PPP2R3A: variants seen among roughly 807,000 people sequenced by gnomAD.
The protein encoded by PPP2R3A is serine/threonine-protein phosphatase 2A regulatory subunit B'' subunit alpha.
In PPP2R3A, 80 loss-of-function variants were observed where a neutral mutation model predicts 106.9. That is an observed-to-expected ratio of 0.75 (90% CI 0.62 to 0.90). The LOEUF (loss-of-function observed/expected upper bound fraction) is 0.90. Ranked by LOEUF, PPP2R3A falls within the 40% of genes least tolerant of loss-of-function variation. The pLI, the probability that PPP2R3A is intolerant of heterozygous loss-of-function variation, is 0.00. For synonymous variants in PPP2R3A, 483 were observed against 468.3 expected, an observed-to-expected ratio of 1.03 and a Z score of -0.41; for missense variants, 1,386 against 1,350.4, an observed-to-expected ratio of 1.03 and a Z score of -0.41.
intron 13 of PPP2R3A, among the ~76,000 whole-genome samples, chr3:136,111,437 A>G (rs1937590422): frequency 6.7e-6 from 1 of 149,960 alleles, no homozygotes; most frequent in Non-Finnish European, 1.5e-5. Context: ...TAAAAACTCA[A>G]ACTACTTGAA....
At chr3:136,020,797 T>C (rs1934439934) in intron 2 of PPP2R3A, among the ~76,000 whole-genome samples, 1 of 152,048 alleles carries the variant, frequency 6.6e-6, no homozygotes, top group Non-Finnish European at 1.5e-5. Context: ...TGATGGGCAT[T>C]AGTTGCTCTG....
At chr3:136,134,516 A>G (rs575514639) in intron 13 of PPP2R3A, among the ~76,000 whole-genome samples, 197 of 152,348 alleles carry the variant, frequency 1.3e-3, no homozygotes, top group Non-Finnish European at 2.4e-3. Flanking sequence ...ATTGAAATGT[A>G]CTTGAAAATT....
intron 7 of PPP2R3A, among the ~76,000 whole-genome samples, chr3:136,078,712 G>C (rs1194891804): frequency 2.6e-5 from 4 of 152,132 alleles, no homozygotes; most frequent in Non-Finnish European, 5.9e-5. Context: ...AACCTGACTT[G>C]ATAAATTCCA....
chr3:136,146,717 AAT>A lies in PPP2R3A; in HGVS notation c.*1553_*1554del. ...CACACAAAAGAATTAAAAGCTTAAAAATAATTTTTAGGAAACACAATATTCAA... is the reference window on the plus strand; with the variant it reads ...CACACAAAAGAATTAAAAGCTTAAAAAATTTTTAGGAAACACAATATTCAA... On this transcript the variant is annotated 3_prime_UTR_variant, in exon 14 of 14. Transcript: ENST00000264977. 1 of 152,314 alleles carries A rather than the reference AAT, an allele frequency of 6.6e-6. No homozygotes were observed. Among genetic ancestry groups the A allele is most frequent in the South Asian group, 2.1e-4 (1 of 4,822 alleles). 9.4% of individuals were successfully genotyped at this position (152,314 alleles called of 1,614,324 possible).
chr3:136,034,192 C>A (rs1433358334), intron 3 of PPP2R3A, among the ~76,000 whole-genome samples: 2 of 152,022 alleles, frequency 1.3e-5, no homozygotes, highest in African/African-American at 4.8e-5. Flanking sequence ...CGCACTACTA[C>A]ACCCAGCTAA....
intron 2 of PPP2R3A, among the ~76,000 whole-genome samples, chr3:136,012,856 T>G (rs1188839620): frequency 1.3e-5 from 2 of 152,188 alleles, no homozygotes; most frequent in African/African-American, 4.8e-5. Context: ...CATGGATAAG[T>G]TCTTTAGTGG....
chr3:136,077,601 A>G lies in PPP2R3A; in HGVS notation c.2545-766A>G, dbSNP rs147875145. Among the ~76,000 whole-genome samples the G allele has an allele frequency of 3.2e-3, 465 of 145,560 alleles. 3 individuals carry two copies. The highest frequency in any genetic ancestry group is 0.011 in the African/African-American group (441 of 39,112). On this transcript the variant is annotated intron_variant, in intron 6 of 13. Transcript: ENST00000264977. ...TCAGTGAAAGGGAAATGAAGTGGGT[A>G]GGAATGACTGCAGGTAAAATTGTTA...
chr3:136,029,931 G>T (rs561551200), intron 3 of PPP2R3A, among the ~76,000 whole-genome samples: 41 of 152,312 alleles, frequency 2.7e-4, no homozygotes, highest in Middle Eastern at 6.8e-3. Flanking sequence ...AGGATGCGTG[G>T]CCAGGCACAG....
At chr3:136,068,473 G>A (rs765166380) in intron 5 of PPP2R3A, among the ~76,000 whole-genome samples, 8 of 152,060 alleles carry the variant, frequency 5.3e-5, no homozygotes, top group African/African-American at 1.7e-4. Context: ...AGCTGAGATC[G>A]CACCACTGCT....
chr3:136,017,262 G>A (rs1289760824), intron 2 of PPP2R3A, among the ~76,000 whole-genome samples: 2 of 152,060 alleles, frequency 1.3e-5, no homozygotes, highest in Non-Finnish European at 2.9e-5. Flanking sequence ...TTTCCTTCAT[G>A]TTGACTTTAG....
chr3:136,049,235 C>G (rs1232890023), intron 4 of PPP2R3A, 24 bp from the exon 5 acceptor site: 5 of 1,539,010 alleles, frequency 3.2e-6, no homozygotes, highest in Non-Finnish European at 3.6e-6. Context: ...AACTAATCTT[C>G]CTAAGCAGTT....
At position 136,090,613 on chromosome 3, in the gene PPP2R3A, A is replaced by G. The variant is rs1377916929; in HGVS notation, c.2873A>G (p.Tyr958Cys). 5.0e-6 allele frequency: 8 copies of G among 1,613,596 alleles called. No individual in the cohort carries two copies. Among genetic ancestry groups the G allele is most frequent in the South Asian group, 1.1e-5 (1 of 91,066 alleles). ...ATACAGAAAGAGGGAAGAATGAGCT[A>G]TGCAGATTTTGTTTGGTTTTTGATC... Reference protein sequence around the residue: ...KTIQKEGRMSYADFVWFLISE... With the variant: ...KTIQKEGRMSCADFVWFLISE... Residue 958 changes from tyrosine to cysteine, a missense_variant, in exon 10 of 14, where the codon TAT becomes TGT. Tyr to Cys is a radical substitution (Grantham distance 194, BLOSUM62 -2). Transcript: ENST00000264977.
chr3:135,996,539 C>T (rs976080027), intron 1 of PPP2R3A, among the ~76,000 whole-genome samples: 20 of 152,310 alleles, frequency 1.3e-4, no homozygotes, highest in Non-Finnish European at 2.6e-4. Flanking sequence ...ATTGCACAAA[C>T]AGATGTCATC....
chr3:136,108,477 G>A (rs974028183), intron 13 of PPP2R3A, among the ~76,000 whole-genome samples: 1 of 152,092 alleles, frequency 6.6e-6, no homozygotes. Context: ...GGTAAGGAAA[G>A]CAAATGGGAT....
At chr3:136,086,750 T>C (rs1214739766) in intron 8 of PPP2R3A, among the ~76,000 whole-genome samples, 1 of 152,204 alleles carries the variant, frequency 6.6e-6, no homozygotes, top group Non-Finnish European at 1.5e-5. Flanking sequence ...GCTGTTCCAA[T>C]ACACATATTC....
At chr3:136,032,259 T>C (rs1013993400) in intron 3 of PPP2R3A, among the ~76,000 whole-genome samples, 1 of 152,162 alleles carries the variant, frequency 6.6e-6, no homozygotes, top group African/African-American at 2.4e-5. Flanking sequence ...TTGCTAAGTA[T>C]GTTTTTTGTT....
chr3:136,077,197 C>T (rs903783591), intron 6 of PPP2R3A, among the ~76,000 whole-genome samples: 1 of 152,096 alleles, frequency 6.6e-6, no homozygotes, highest in Non-Finnish European at 1.5e-5. Context: ...GGGGTTAGCA[C>T]TGATAGCAGG....
chr3:136,110,734 C>G (rs1321577847), intron 13 of PPP2R3A, among the ~76,000 whole-genome samples: 1 of 152,124 alleles, frequency 6.6e-6, no homozygotes. Flanking sequence ...TTTCATGTCA[C>G]AAATATTCTT....
intron 13 of PPP2R3A, among the ~76,000 whole-genome samples, chr3:136,129,962 C>G (rs1159258509): frequency 6.6e-6 from 1 of 152,202 alleles, no homozygotes; most frequent in Non-Finnish European, 1.5e-5. Context: ...CAAAATTCAA[C>G]AGCCCTTCAT....
Sources: gnomAD v4.1 joint callset for allele counts (sites outside exome capture counted in the v4.1 genomes callset) on GRCh38, gnomAD v4.1.1 for gene constraint, MANE v1.5 for transcripts, NCBI Gene and HGNC (gene_info 2026-07-23, HGNC 2026-07-21) for gene names.